Variants in HEPHL1 observed in about 807,000 individuals in gnomAD.
The protein encoded by HEPHL1 is hephaestin like 1.
Under a neutral mutation model 122.0 loss-of-function variants are expected in HEPHL1, and 123 were observed. That is an observed-to-expected ratio of 1.01 (90% confidence interval 0.87 to 1.17). HEPHL1 has a LOEUF of 1.17. Ranked by LOEUF, HEPHL1 falls within the 50% of genes most tolerant of loss-of-function variation. The pLI is 0.00. For missense variants in HEPHL1, 1,452 were observed against 1,430.5 expected (o/e 1.01, Z -0.24); for synonymous variants, 527 against 508.9 (o/e 1.04, Z -0.48).
At chr11:94,061,852 A>T (rs1004780694) in intron 2 of HEPHL1, among the ~76,000 whole-genome samples, 13 of 152,148 alleles carry the variant, frequency 8.5e-5, no homozygotes, top group Admixed American at 4.6e-4. Flanking sequence ...TTTTCTTGAA[A>T]ATACTCTCTC....
At position 94,093,689 on chromosome 11, in the gene HEPHL1, G is replaced by T. The variant is rs758459802; in HGVS notation, c.2434+49G>T. ...CACTGTCAGCCCCAAGCATGTGCAT[G>T]CACACATACTCATGTGTTCTGTTAC... is the stretch of plus-strand genomic sequence containing the variant. On this transcript the variant is annotated intron_variant, in intron 13 of 19. Transcript: ENST00000315765. 8 of 1,583,824 alleles carry T rather than the reference G, an allele frequency of 5.1e-6. No homozygotes were observed. In the South Asian group the frequency reaches 9.1e-5, roughly 18 times the overall value.
rs1946466455 is a variant in HEPHL1 at position 94,113,277 on chromosome 11, G to A, written c.*1383G>A. ...AGATTCCAATGCCAATGCTAGATGA[G>A]TGATACTGGTATGCCTGCCTTAGCA... On this transcript the variant is annotated 3_prime_UTR_variant, in exon 20 of 20. Coordinates refer to ENST00000315765, the MANE Select transcript of HEPHL1 (RefSeq NM_001098672.2). 1 of 152,180 alleles carries A rather than the reference G, an allele frequency of 6.6e-6. No individual in the cohort carries two copies. The highest frequency in any genetic ancestry group is 2.4e-5 in the African/African-American group (1 of 41,440). The allele number at this position is 152,180 out of a possible 1,614,324, so 9.4% of individuals were successfully genotyped here.
intron 9 of HEPHL1, among the ~76,000 whole-genome samples, chr11:94,078,119 A>C (rs1946141005): frequency 6.6e-6 from 1 of 152,092 alleles, no homozygotes; most frequent in South Asian, 2.1e-4. Context: ...CATTGTTGAC[A>C]TGCAACAAAT....
At chr11:94,023,699 C>G (rs148868994) in intron 1 of HEPHL1, among the ~76,000 whole-genome samples, 1 of 152,102 alleles carries the variant, frequency 6.6e-6, no homozygotes, top group African/African-American at 2.4e-5. Context: ...ATACCTAGAA[C>G]GCCAAGGTCC....
At chr11:94,090,703 G>T (rs1946258107) in intron 12 of HEPHL1, among the ~76,000 whole-genome samples, 1 of 152,202 alleles carries the variant, frequency 6.6e-6, no homozygotes, top group Admixed American at 6.5e-5. Context: ...CATGTCTGTA[G>T]ATAAGAGCCC....
intron 1 of HEPHL1, among the ~76,000 whole-genome samples, chr11:94,028,601 C>A (rs1945646441): frequency 6.6e-6 from 1 of 152,158 alleles, no homozygotes; most frequent in Non-Finnish European, 1.5e-5. Context: ...CCTGGCCCCA[C>A]TGGATTCTTT....
chr11:94,076,842 T>C (rs2134436045), intron 9 of HEPHL1, among the ~76,000 whole-genome samples: 1 of 152,280 alleles, frequency 6.6e-6, no homozygotes, highest in South Asian at 2.1e-4. Flanking sequence ...CTCCCAGTGG[T>C]GAATGGTCAG....
intron 2 of HEPHL1, among the ~76,000 whole-genome samples, chr11:94,060,959 G>T (rs1305774338): frequency 6.6e-6 from 1 of 152,154 alleles, no homozygotes; most frequent in Non-Finnish European, 1.5e-5. Flanking sequence ...GATGATGGTA[G>T]TTCAGACTAG....
At chr11:94,080,621 G>C (rs1336312045) in intron 9 of HEPHL1, among the ~76,000 whole-genome samples, 1 of 152,104 alleles carries the variant, frequency 6.6e-6, no homozygotes, top group Non-Finnish European at 1.5e-5. Flanking sequence ...TCATTAAAAA[G>C]TGGGCAAAAG....
At chr11:94,052,277 G>C (rs1945897186) in intron 2 of HEPHL1, among the ~76,000 whole-genome samples, 1 of 151,734 alleles carries the variant, frequency 6.6e-6, no homozygotes, top group Non-Finnish European at 1.5e-5. Context: ...CCATTTTTTT[G>C]TCCTCTTCAA....
intron 1 of HEPHL1, among the ~76,000 whole-genome samples, chr11:94,029,348 C>T (rs545810865): frequency 7.2e-5 from 11 of 152,256 alleles, no homozygotes; most frequent in Admixed American, 3.3e-4. Flanking sequence ...ATTAAATGCC[C>T]CCACCCAGAA....
chr11:94,035,910 G>C (rs912055119), intron 1 of HEPHL1, among the ~76,000 whole-genome samples: 8 of 152,234 alleles, frequency 5.3e-5, no homozygotes, highest in African/African-American at 1.7e-4. Flanking sequence ...CTAATTTTTT[G>C]TATTTTTAGT....
chr11:94,088,515 T>G (rs576336315), intron 11 of HEPHL1, among the ~76,000 whole-genome samples: 1 of 151,984 alleles, frequency 6.6e-6, no homozygotes, highest in South Asian at 2.1e-4. Flanking sequence ...GTAGCAATAT[T>G]GTAAGTTTCT....
intron 1 of HEPHL1, among the ~76,000 whole-genome samples, chr11:94,044,505 C>T (rs1391576557): frequency 6.6e-6 from 1 of 152,106 alleles, no homozygotes; most frequent in Non-Finnish European, 1.5e-5. Context: ...ATTTTAAATT[C>T]TCCAACCCGG....
intron 8 of HEPHL1, 100 bp downstream of exon 8, chr11:94,073,539 C>T (rs2949862): frequency 0.46 from 529,759 of 1,157,268 alleles, 123,056 homozygotes; most frequent in East Asian, 0.55. Context: ...CCATTACCTG[C>T]CCTGAGAGCT....
intron 2 of HEPHL1, among the ~76,000 whole-genome samples, chr11:94,048,102 G>C (rs1386470560): frequency 2.6e-5 from 4 of 151,902 alleles, no homozygotes; most frequent in South Asian, 2.1e-4. Context: ...TTTTGTGTCT[G>C]GCTTATTTCA....
chr11:94,102,560 AG>A (rs1300733220), intron 14 of HEPHL1, among the ~76,000 whole-genome samples: 1 of 152,244 alleles, frequency 6.6e-6, no homozygotes, highest in Non-Finnish European at 1.5e-5. Flanking sequence ...GCCAAAGCAG[AG>A]GTCCTTGATG....
At chr11:94,059,811 A>G (rs986979453) in intron 2 of HEPHL1, among the ~76,000 whole-genome samples, 1 of 151,926 alleles carries the variant, frequency 6.6e-6, no homozygotes, top group Admixed American at 6.6e-5. Context: ...GCCTTCAATA[A>G]CTCCTAATAA....
At chr11:94,101,388 T>C in intron 14 of HEPHL1, 53 bp downstream of exon 14, 4 of 1,564,020 alleles carry the variant, frequency 2.6e-6, no homozygotes, top group Non-Finnish European at 3.5e-6. Flanking sequence ...TGGCGTCAAC[T>C]CTTTTCTGGT....
Sources: gnomAD v4.1 joint callset for allele counts (sites outside exome capture counted in the v4.1 genomes callset) on GRCh38, gnomAD v4.1.1 for gene constraint, MANE v1.5 for transcripts, NCBI Gene and HGNC (gene_info 2026-07-23, HGNC 2026-07-21) for gene names.